The following VARS2 variants were observed in gnomAD, a reference collection of about 807,000 sequenced individuals.
VARS2 encodes the protein valine--tRNA ligase, mitochondrial.
In VARS2, 105 loss-of-function variants were observed where a neutral mutation model predicts 154.1. The observed-to-expected ratio is 0.68, with a 90% CI of 0.58 to 0.80. The LOEUF (loss-of-function observed/expected upper bound fraction) is 0.80, where lower values mean the gene tolerates loss of function less well. Ranked by LOEUF, VARS2 falls within the 30% of genes least tolerant of loss-of-function variation. VARS2 has a pLI of 0.00. For synonymous variants in VARS2, 483 were observed against 539.5 expected, an observed-to-expected ratio of 0.90 and a Z score of 1.45; for missense variants, 1,157 against 1,361.4, an observed-to-expected ratio of 0.85 and a Z score of 2.36.
Position 30,914,638 on chromosome 6 carries a change from C to T in VARS2, c.-27-172C>T, listed in dbSNP as rs1264304. The T allele has an allele frequency of 0.11, 119,323 of 1,064,428 alleles. 8,424 individuals are homozygous for T. The highest frequency in any genetic ancestry group is 0.14 in the Non-Finnish European group (103,991 of 766,024). The allele number at this position is 1,064,428 out of a possible 1,614,324, so 65.9% of individuals were successfully genotyped here. A position where few individuals can be genotyped will look rare whatever the true frequency, so the allele number is the denominator to read the frequency against. On this transcript the variant is annotated intron_variant, in intron 1 of 29. Coordinates refer to ENST00000676266, the MANE Select transcript of VARS2 (RefSeq NM_020442.6). Reference sequence around the variant, plus strand: ...AGCCCTGATATCCGTGGCTCCATGGCGCTGTCTGTCGATACCATGCACTCT... The same window carrying T: ...AGCCCTGATATCCGTGGCTCCATGGTGCTGTCTGTCGATACCATGCACTCT...
At chr6:30,923,054 C>T (rs754740387) in intron 23 of VARS2, 50 bp from the exon 24 acceptor site, 1 of 1,609,078 alleles carries the variant, frequency 6.2e-7, no homozygotes, top group Non-Finnish European at 8.5e-7. Flanking sequence ...GGCAGGACTT[C>T]TGGTGCTGCT....
In VARS2 at chr6:30,920,134, T is replaced by A; in HGVS notation, c.1211T>A (p.Met404Lys). ...TPAHSPADAE[M>K]GARHGLSPLN... The stretch of plus-strand genomic sequence containing the variant: ...GCTCACAGTCCTGCCGATGCTGAGA[T>A]GGGGGCCCGACATGGCTTGAGCCCC... The change falls in exon 13 of 30, where the codon ATG (methionine) becomes AAG (lysine). Residue 404 changes from methionine (M) to lysine (K), a missense_variant. Coordinates refer to ENST00000676266, the MANE Select transcript of VARS2 (RefSeq NM_020442.6). This position sits in a 1 kb window ranked among gnomAD's most constrained non-coding sequence, Gnocchi z 4.6. 6.3e-7 allele frequency: 1 copy of A among 1,588,408 alleles called. No individual in the cohort carries two copies. Among genetic ancestry groups the A allele is most frequent in the South Asian group, 1.1e-5 (1 of 86,958 alleles).
Position 30,919,479 on chromosome 6 carries a change from C to T in VARS2, c.1075-279C>T. ...GGATTACAGGCGTGAGCCGCCGCGCCTGGCTGCTTGCAGCCTTTATATTAT... is the reference window on the plus strand; with the variant it reads ...GGATTACAGGCGTGAGCCGCCGCGCTTGGCTGCTTGCAGCCTTTATATTAT... On this transcript the variant is annotated intron_variant, in intron 11 of 29. Coordinates refer to ENST00000676266, the MANE Select transcript of VARS2 (RefSeq NM_020442.6). The surrounding 1 kb of genome is among the most constrained non-coding windows in gnomAD (Gnocchi z 4.5). 1 of 323,476 alleles carries T rather than the reference C, an allele frequency of 3.1e-6. No homozygotes were observed. 20.0% of individuals were successfully genotyped at this position (323,476 alleles called of 1,614,324 possible).
At chr6:30,914,638 C>G in intron 1 of VARS2, 172 bp from the exon 2 acceptor site, 4 of 1,065,428 alleles carry the variant, frequency 3.8e-6, no homozygotes, top group Non-Finnish European at 5.2e-6. Context: ...GGCTCCATGG[C>G]GCTGTCTGTC....
At position 30,925,570 on chromosome 6, in the gene VARS2, G is replaced by T; in HGVS notation, c.2812G>T (p.Asp938Tyr). 6.2e-7 allele frequency: 1 copy of T among 1,603,308 alleles called. No homozygotes were observed. The highest frequency in any genetic ancestry group is 8.5e-7 in the Non-Finnish European group (1 of 1,176,716). Reference sequence around the variant, plus strand: ...GCTGCTGCAGAGCTCAGAGCCTGGGGACCAGGGCCTCTTCGAGGCCTTCTT... The same window carrying T: ...GCTGCTGCAGAGCTCAGAGCCTGGGTACCAGGGCCTCTTCGAGGCCTTCTT... ...RVLLQSSEPGDQGLFEAFLEP... is the reference protein window; with the variant it reads ...RVLLQSSEPGYQGLFEAFLEP... Residue 938 changes from aspartate to tyrosine, a missense_variant, in exon 28 of 30, where the codon GAC becomes TAC. Transcript: ENST00000676266.
In VARS2 at chr6:30,916,423, G is replaced by A. The variant is rs146114215; in HGVS notation, c.671+174G>A. 5.3e-3 allele frequency: 3,038 copies of A among 574,900 alleles called. 100 individuals carry two copies. The highest frequency in any genetic ancestry group is 8.4e-4 in the Non-Finnish European group (274 of 327,160). 35.6% of individuals were successfully genotyped at this position (574,900 alleles called of 1,614,324 possible). ...TTGGTGGAGTTTCTAAGCCTTATGT[G>A]TGTGGATATTATATATGCATTAGAA... is the stretch of plus-strand genomic sequence containing the variant. On this transcript the variant is annotated intron_variant, in intron 7 of 29. Transcript: ENST00000676266. This position sits in a 1 kb window ranked among gnomAD's most constrained non-coding sequence, Gnocchi z 4.0.
Position 30,920,919 on chromosome 6 carries a change from T to C in VARS2, c.1480-146T>C. 4.4e-6 allele frequency: 5 copies of C among 1,134,362 alleles called. No individual in the cohort carries two copies. The highest frequency in any genetic ancestry group is 6.2e-6 in the Non-Finnish European group (5 of 810,534). The allele number at this position is 1,134,362 out of a possible 1,614,324, so 70.3% of individuals were successfully genotyped here. The stretch of plus-strand genomic sequence containing the variant: ...GGGCGGCCCAGCAAGGGCTGGCTCA[T>C]ATCCTTACTCAAGCCCAGAATCTTG... On this transcript the variant is annotated intron_variant, in intron 15 of 29. Coordinates refer to ENST00000676266, the MANE Select transcript of VARS2 (RefSeq NM_020442.6). This position sits in a 1 kb window ranked among gnomAD's most constrained non-coding sequence, Gnocchi z 4.6.
chr6:30,914,248 G>C lies in VARS2; in HGVS notation c.-124G>C, dbSNP rs1582165723. The C allele has an allele frequency of 2.7e-6, 2 of 743,422 alleles. No individual in the cohort carries two copies. The highest frequency in any genetic ancestry group is 3.7e-6 in the Non-Finnish European group (2 of 540,358). 46.1% of individuals were successfully genotyped at this position (743,422 alleles called of 1,614,324 possible). On this transcript the variant is annotated 5_prime_UTR_variant, in exon 1 of 30. Transcript: ENST00000676266. ...GCCGGCCGGGGCCCCGCCCCCATGC[G>C]CCGCGCGGCTCCAGGGCCACGTTCC...
In VARS2 at chr6:30,923,525, G is replaced by A; in HGVS notation, c.2466+20G>A. The stretch of plus-strand genomic sequence containing the variant: ...TACCTGGTGAGTGAGGCTGGGGGAG[G>A]CTTGGTATTCCCATGCCTGCTTCTA... On this transcript the variant is annotated intron_variant, in intron 25 of 29. Coordinates refer to ENST00000676266, the MANE Select transcript of VARS2 (RefSeq NM_020442.6). The A allele has an allele frequency of 6.2e-7, 1 of 1,600,738 alleles. No homozygotes were observed.
In VARS2 at chr6:30,919,019, T is replaced by C; in HGVS notation, c.1074+104T>C. On this transcript the variant is annotated intron_variant, in intron 11 of 29. Coordinates refer to ENST00000676266, the MANE Select transcript of VARS2 (RefSeq NM_020442.6). The surrounding 1 kb of genome is among the most constrained non-coding windows in gnomAD (Gnocchi z 4.5). ...TTTCTCTCTTGCTTCTACTTCCTTT[T>C]CCTGAGACTTCTCTCAGTGGTTCTG... 1 of 1,037,742 alleles carries C rather than the reference T, an allele frequency of 9.6e-7. No individual in the cohort carries two copies. The highest frequency in any genetic ancestry group is 1.5e-6 in the Non-Finnish European group (1 of 685,516). The allele number at this position is 1,037,742 out of a possible 1,614,324, so 64.3% of individuals were successfully genotyped here. A position where few individuals can be genotyped will look rare whatever the true frequency, so the allele number is the denominator to read the frequency against.
chr6:30,914,338 C>A lies in VARS2; in HGVS notation c.-34C>A. The A allele has an allele frequency of 8.2e-7, 1 of 1,220,044 alleles. No homozygotes were observed. The highest frequency in any genetic ancestry group is 1.0e-6 in the Non-Finnish European group (1 of 972,960). The allele number at this position is 1,220,044 out of a possible 1,614,324, so 75.6% of individuals were successfully genotyped here. ...GGGGCGCCCTGGGATAGCGGCGGGG[C>A]CTCCTGGTGAGCGCGCGCCGGGGCG... On this transcript the variant is annotated 5_prime_UTR_variant, in exon 1 of 30. Coordinates refer to ENST00000676266, the MANE Select transcript of VARS2 (RefSeq NM_020442.6).
chr6:30,918,936 G>A (rs1794340397), intron 11 of VARS2, 21 bp downstream of exon 11: 1 of 1,606,986 alleles, frequency 6.2e-7, no homozygotes. Flanking sequence ...GTGCGCTCCT[G>A]CACTCTGGCC....
At position 30,920,685 on chromosome 6, in the gene VARS2, T is replaced by C. The variant is rs1490112627; in HGVS notation, c.1415T>C (p.Ile472Thr). 2 of 1,597,322 alleles carry C rather than the reference T, an allele frequency of 1.3e-6. No homozygotes were observed. The highest frequency in any genetic ancestry group is 4.5e-5 in the East Asian group (2 of 44,580). ...LPICSRSGDV[I>T]EYLLKNQWFV... Reference sequence around the variant, plus strand: ...TCTTTCAGCCGTTCTGGGGATGTGATAGAATACCTGCTGAAGAACCAGTGG... The same window carrying C: ...TCTTTCAGCCGTTCTGGGGATGTGACAGAATACCTGCTGAAGAACCAGTGG... Residue 472 changes from isoleucine to threonine, a missense_variant, in exon 15 of 30, where the codon ATA becomes ACA. Ile to Thr is a moderately conservative substitution (Grantham distance 89). Transcript: ENST00000676266. This position sits in a 1 kb window ranked among gnomAD's most constrained non-coding sequence, Gnocchi z 4.6.
rs1171077524 is a variant in VARS2, at chr6:30,914,967, G to A, written c.131G>A (p.Arg44His). Residue 44 changes from arginine (R) to histidine (H), a missense_variant, in exon 2 of 30, where the codon CGT becomes CAT. By Grantham distance (29) the Arg-to-His change is conservative (BLOSUM62 0). Transcript: ENST00000676266. ...PHGSPISRRN[R>H]EAKQKRLREK... is the part of the protein sequence containing the mutation. ...GGATCTCCCATCTCCCGGAGGAACCGTGAAGCCAAACAGAAGCGCCTGCGA... is the reference window on the plus strand; with the variant it reads ...GGATCTCCCATCTCCCGGAGGAACCATGAAGCCAAACAGAAGCGCCTGCGA... 3 of 1,612,986 alleles carry A rather than the reference G, an allele frequency of 1.9e-6. No homozygotes were observed. The highest frequency in any genetic ancestry group is 2.5e-6 in the Non-Finnish European group (3 of 1,180,044).
chr6:30,915,705 C>T (rs1255577357), intron 4 of VARS2, 41 bp from the exon 5 acceptor site: 2 of 1,608,978 alleles, frequency 1.2e-6, no homozygotes, highest in Non-Finnish European at 1.7e-6. Flanking sequence ...TTTCCCCAAT[C>T]CAATTCTCTC....
chr6:30,916,964 G>A lies in VARS2; in HGVS notation c.753+5G>A, dbSNP rs200268882. The A allele has an allele frequency of 6.2e-7, 1 of 1,614,150 alleles. No homozygotes were observed. Among genetic ancestry groups the A allele is most frequent in the African/African-American group, 1.3e-5 (1 of 75,032 alleles). ...GAGTGTTTTACCATGGATGTTGTGAGTGTTCTGTGCCTTGGTCCCTGTGAG... is the reference window on the plus strand; with the variant it reads ...GAGTGTTTTACCATGGATGTTGTGAATGTTCTGTGCCTTGGTCCCTGTGAG... On this transcript the variant is annotated splice_donor_5th_base_variant and intron_variant, in intron 8 of 29. Coordinates refer to ENST00000676266, the MANE Select transcript of VARS2 (RefSeq NM_020442.6). This position sits in a 1 kb window ranked among gnomAD's most constrained non-coding sequence, Gnocchi z 4.0.
Position 30,925,526 on chromosome 6 carries a change from C to A in VARS2, c.2786-18C>A. The A allele has an allele frequency of 6.4e-7, 1 of 1,564,344 alleles. No homozygotes were observed. Among genetic ancestry groups the A allele is most frequent in the Non-Finnish European group, 8.6e-7 (1 of 1,159,274 alleles). Reference sequence around the variant, plus strand: ...GCAGGAGCTGAGGCCTTGCCCCTGACAGTTTCTTTCTTTCCAGTGCTGCTG... The same window carrying A: ...GCAGGAGCTGAGGCCTTGCCCCTGAAAGTTTCTTTCTTTCCAGTGCTGCTG... On this transcript the variant is annotated intron_variant, in intron 27 of 29. Transcript: ENST00000676266.
Position 30,916,809 on chromosome 6 carries a change from G to A in VARS2, c.672-69G>A. On this transcript the variant is annotated intron_variant, in intron 7 of 29. Coordinates refer to ENST00000676266, the MANE Select transcript of VARS2 (RefSeq NM_020442.6). The surrounding 1 kb of genome is among the most constrained non-coding windows in gnomAD (Gnocchi z 4.0). ...CCTCCAACACCTGGCATTGCTGGGG[G>A]CATCGCTGGGCCTGGTACATAGGAA... 1.3e-6 allele frequency: 2 copies of A among 1,495,062 alleles called. No individual in the cohort carries two copies. Among genetic ancestry groups the A allele is most frequent in the Non-Finnish European group, 1.9e-6 (2 of 1,072,118 alleles). The allele number at this position is 1,495,062 out of a possible 1,614,324, so 92.6% of individuals were successfully genotyped here.
At chr6:30,922,045 A>G (rs887382493) in intron 19 of VARS2, 50 bp downstream of exon 19, 2 of 1,612,470 alleles carry the variant, frequency 1.2e-6, no homozygotes, top group African/African-American at 2.7e-5. Context: ...TAAGGAAGGG[A>G]TGGCTGGGCC....
Sources: allele counts gnomAD v4.1 joint callset, GRCh38; gene constraint gnomAD v4.1.1; non-coding constraint Gnocchi (gnomAD v3.1); transcripts MANE v1.5; gene names NCBI Gene and HGNC (gene_info 2026-07-23, HGNC 2026-07-21).